Variants in DNMT3L observed in about 807,000 individuals in gnomAD.
DNMT3L encodes the protein DNA methyltransferase 3 like.
A neutral mutation model predicts 36.2 loss-of-function variants in DNMT3L; 33 were observed. The ratio of observed to expected loss-of-function variants is 0.91; its 90% CI spans 0.69 to 1.22. The LOEUF (loss-of-function observed/expected upper bound fraction) is 1.22. Ranked by LOEUF, DNMT3L falls within the 50% of genes most tolerant of loss-of-function variation. The pLI, the probability that DNMT3L is intolerant of heterozygous loss-of-function variation, is 0.00. For missense variants in DNMT3L, 310 were observed against 303.1 expected (o/e 1.02, Z -0.17); for synonymous variants, 117 against 121.7 (o/e 0.96, Z 0.26).
Position 44,261,101 on chromosome 21 carries a change from G to A in DNMT3L, c.106+53C>T, listed in dbSNP as rs562971971. On this transcript the variant is annotated intron_variant, in intron 2 of 11. Transcript: ENST00000628202. ...AGCCTGGAACTCCAGACCTCATCCA[G>A]GCCTGGGATCAGCATCCTAAGTGAC... 16 of 1,595,082 alleles carry A rather than the reference G, an allele frequency of 1.0e-5. No homozygotes were observed. In the Admixed American group the frequency reaches 2.7e-4, roughly 27 times the overall value.
At chr21:44,254,044 A>G (rs2040238938) in intron 8 of DNMT3L, among the ~76,000 whole-genome samples, 1 of 152,230 alleles carries the variant, frequency 6.6e-6, no homozygotes, top group Non-Finnish European at 1.5e-5. Flanking sequence ...AAAGACCTGT[A>G]CACAGGTGGC....
At chr21:44,254,010 C>T (rs1470069570) in intron 8 of DNMT3L, among the ~76,000 whole-genome samples, 1 of 152,216 alleles carries the variant, frequency 6.6e-6, no homozygotes, top group Non-Finnish European at 1.5e-5. Context: ...GGGGGGGCTG[C>T]TGGTCCCAGG....
In DNMT3L at chr21:44,258,802, G is replaced by C; in HGVS notation, c.345-108C>G. The C allele has an allele frequency of 2.1e-6, 3 of 1,440,176 alleles. No homozygotes were observed. The highest frequency in any genetic ancestry group is 9.3e-7 in the Non-Finnish European group (1 of 1,077,980). 89.2% of individuals were successfully genotyped at this position (1,440,176 alleles called of 1,614,324 possible). On this transcript the variant is annotated intron_variant, in intron 5 of 11. Transcript: ENST00000628202. The surrounding 1 kb of genome is among the most constrained non-coding windows in gnomAD (Gnocchi z 6.2). ...TGTTTTGGAGGGAAAAGTCACGCTG[G>C]AGCTCCCTTTGGGAAGACCAGGTGG...
Position 44,258,020 on chromosome 21 carries a change from T to C in DNMT3L, c.516+503A>G, listed in dbSNP as rs1206210460. On this transcript the variant is annotated intron_variant, in intron 6 of 11. Coordinates refer to ENST00000628202, the MANE Select transcript of DNMT3L (RefSeq NM_175867.3). This position sits in a 1 kb window ranked among gnomAD's most constrained non-coding sequence, Gnocchi z 6.2. The stretch of plus-strand genomic sequence containing the variant: ...CCACCCTAAATCTGGAATGATCTCA[T>C]CTCGTGATCCTTAACTAAATTACAT... Among the ~76,000 whole-genome samples, 1 of 152,212 alleles carries C rather than the reference T, an allele frequency of 6.6e-6. No individual in the cohort carries two copies. The highest frequency in any genetic ancestry group is 1.5e-5 in the Non-Finnish European group (1 of 68,030).
intron 2 of DNMT3L, 142 bp from the exon 3 acceptor site, chr21:44,260,981 C>A: frequency 7.1e-7 from 1 of 1,412,652 alleles, no homozygotes; most frequent in Non-Finnish European, 9.9e-7. Context: ...CACACCTTAT[C>A]TTGGTGTGTT....
intron 7 of DNMT3L, 133 bp downstream of exon 7, chr21:44,255,933 TG>T: frequency 1.3e-6 from 1 of 755,742 alleles, no homozygotes; most frequent in Admixed American, 2.8e-5. Context: ...GGGCCCAGGG[TG>T]GGGAAGGGTA....
Position 44,258,462 on chromosome 21 carries a change from A to T in DNMT3L, c.516+61T>A. 1 of 1,482,136 alleles carries T rather than the reference A, an allele frequency of 6.7e-7. No individual in the cohort carries two copies. Among genetic ancestry groups the T allele is most frequent in the Non-Finnish European group, 9.0e-7 (1 of 1,110,382 alleles). The allele number at this position is 1,482,136 out of a possible 1,614,324, so 91.8% of individuals were successfully genotyped here. A position where few individuals can be genotyped will look rare whatever the true frequency, so the allele number is the denominator to read the frequency against. On this transcript the variant is annotated intron_variant, in intron 6 of 11. Transcript: ENST00000628202. This position sits in a 1 kb window ranked among gnomAD's most constrained non-coding sequence, Gnocchi z 6.2. The stretch of plus-strand genomic sequence containing the variant: ...CGCCTGCATTCTGCAGCGGGAACCG[A>T]GGGAAGGCCGTAAGTCAGGGCCTGC...
chr21:44,259,877 G>A (rs976515752), intron 3 of DNMT3L, among the ~76,000 whole-genome samples, 166 bp from the exon 4 acceptor site: 3 of 152,110 alleles, frequency 2.0e-5, no homozygotes, highest in Non-Finnish European at 4.4e-5. Flanking sequence ...GATATCCCAT[G>A]TTCATGGATC....
chr21:44,254,781 G>A (rs150232511), intron 7 of DNMT3L, 76 bp from the exon 8 acceptor site: 196 of 1,465,258 alleles, frequency 1.3e-4, no homozygotes, highest in South Asian at 1.3e-4. Context: ...AAAGGCTGAC[G>A]GACGATCAGA....
rs2040299257 is a variant in DNMT3L, at chr21:44,259,672, T to C, written c.191A>G (p.Gln64Arg). 1 of 1,612,932 alleles carries C rather than the reference T, an allele frequency of 6.2e-7. No individual in the cohort carries two copies. The highest frequency in any genetic ancestry group is 1.3e-5 in the African/African-American group (1 of 74,936). ...ICCGSLQVHT[Q>R]HPLFEGGICA... is the part of the protein sequence containing the mutation. ...GATCCCTCCCTCAAACAGAGGGTGC[T>C]GTGTGTGAACCTGGAGACTTCCGCA... The change falls in exon 4 of 12, where the codon CAG (glutamine) becomes CGG (arginine). Residue 64 changes from glutamine (Q) to arginine (R), a missense_variant. Coordinates refer to ENST00000628202, the MANE Select transcript of DNMT3L (RefSeq NM_175867.3).
At position 44,256,124 on chromosome 21, in the gene DNMT3L, G is replaced by A. The variant is rs932565600; in HGVS notation, c.547C>T (p.Pro183Ser). 6.2e-6 allele frequency: 10 copies of A among 1,613,818 alleles called. No individual in the cohort carries two copies. Among genetic ancestry groups the A allele is most frequent in the African/African-American group, 5.3e-5 (4 of 74,886 alleles). ...CGGACTGGCTGTCTCCTCCACACAG[G>A]CACGGTTTCGAACATCTCAAGGGGA... is the stretch of plus-strand genomic sequence containing the variant. ...ENPLEMFETV[P>S]VWRRQPVRVL... The change falls in exon 7 of 12, where the codon CCT (proline) becomes TCT (serine). Residue 183 changes from proline to serine, a missense_variant. By Grantham distance (74) the Pro-to-Ser change is moderately conservative (BLOSUM62 -1). Transcript: ENST00000628202.
chr21:44,254,585 TAC>T (rs1486371626), intron 8 of DNMT3L, 30 bp downstream of exon 8: 2 of 1,610,662 alleles, frequency 1.2e-6, no homozygotes, highest in Non-Finnish European at 1.7e-6. Flanking sequence ...CCGCTCCCAC[TAC>T]AGTGTCTGAG....
intron 8 of DNMT3L, among the ~76,000 whole-genome samples, chr21:44,253,714 A>G (rs1299063403): frequency 5.9e-5 from 9 of 152,102 alleles, no homozygotes; most frequent in Non-Finnish European, 8.8e-5. Flanking sequence ...GTGAGACTCC[A>G]TCTCAAAAAC....
At position 44,258,646 on chromosome 21, in the gene DNMT3L, C is replaced by G. The variant is rs774090130; in HGVS notation, c.393G>C (p.Ser131=). Residue 131 remains serine, a synonymous_variant, in exon 6 of 12, where the codon TCG becomes TCC. Transcript: ENST00000628202. The surrounding 1 kb of genome is among the most constrained non-coding windows in gnomAD (Gnocchi z 6.2). ...CVDSLVGPGT[S]GKVHAMSNWV... is the part of the protein sequence containing the mutation. ...AGTTGCTCATGGCGTGCACCTTCCC[C>G]GAGGTCCCGGGGCCGACCAGGCTAT... 6.2e-7 allele frequency: 1 copy of G among 1,612,904 alleles called. No individual in the cohort carries two copies. The highest frequency in any genetic ancestry group is 8.5e-7 in the Non-Finnish European group (1 of 1,179,984).
At chr21:44,260,221 G>A (rs780062868) in intron 3 of DNMT3L, among the ~76,000 whole-genome samples, 1 of 152,090 alleles carries the variant, frequency 6.6e-6, no homozygotes. Context: ...GCAAACCCAC[G>A]TTGAGAGAAA....
intron 5 of DNMT3L, among the ~76,000 whole-genome samples, chr21:44,259,219 A>G (rs1344501039): frequency 6.6e-6 from 1 of 152,144 alleles, no homozygotes; most frequent in African/African-American, 2.4e-5. Flanking sequence ...ATGTGGCAAT[A>G]TCAACACCGA....
At chr21:44,260,568 T>C (rs892098538) in intron 3 of DNMT3L, among the ~76,000 whole-genome samples, 1 of 152,160 alleles carries the variant, frequency 6.6e-6, no homozygotes, top group African/African-American at 2.4e-5. Flanking sequence ...TCCTCCCAAC[T>C]CAGCCTCCTG....
Position 44,258,719 on chromosome 21 carries a change from CAGCGG to C in DNMT3L, c.345-30_345-26del. 1 of 1,607,120 alleles carries C rather than the reference CAGCGG, an allele frequency of 6.2e-7. No individual in the cohort carries two copies. The highest frequency in any genetic ancestry group is 8.5e-7 in the Non-Finnish European group (1 of 1,175,930). ...TCTAAGGCCAGACAGAAAACCACAG[CAGCGG>C]ACATGACAGCCCACCTCTCCTGAGG... is the stretch of plus-strand genomic sequence containing the variant. On this transcript the variant is annotated intron_variant, in intron 5 of 11. Coordinates refer to ENST00000628202, the MANE Select transcript of DNMT3L (RefSeq NM_175867.3). This position sits in a 1 kb window ranked among gnomAD's most constrained non-coding sequence, Gnocchi z 6.2.
At chr21:44,260,721 G>A in intron 3 of DNMT3L, 74 bp downstream of exon 3, 3 of 1,595,052 alleles carry the variant, frequency 1.9e-6, no homozygotes, top group Non-Finnish European at 2.6e-6. Flanking sequence ...GTCTCCCAAA[G>A]TGCTGGGATT....
Sources: gnomAD v4.1 joint callset for allele counts (sites outside exome capture counted in the v4.1 genomes callset) on GRCh38, gnomAD v4.1.1 for gene constraint, Gnocchi (gnomAD v3.1) non-coding constraint, MANE v1.5 for transcripts, NCBI Gene and HGNC (gene_info 2026-07-23, HGNC 2026-07-21) for gene names.